PPP3CA: variants seen among roughly 807,000 people sequenced by gnomAD.
PPP3CA encodes protein phosphatase 3 catalytic subunit alpha, also known as CAM-PRP catalytic subunit.
In PPP3CA, 14 loss-of-function variants were observed where a neutral mutation model predicts 66.5. The observed-to-expected ratio is 0.21, with a 90% CI of 0.14 to 0.33. PPP3CA has a LOEUF of 0.33. PPP3CA is among the 10% of genes least tolerant of loss of function. The pLI, the probability that PPP3CA is intolerant of heterozygous loss-of-function variation, is 1.00. For synonymous variants in PPP3CA, 232 were observed against 226.2 expected, an observed-to-expected ratio of 1.03 and a Z score of -0.23; for missense variants, 317 against 639.5, an observed-to-expected ratio of 0.50 and a Z score of 5.44.
intron 12 of PPP3CA, among the ~76,000 whole-genome samples, chr4:101,029,938 TAAA>T (rs1726866058): frequency 6.6e-6 from 1 of 151,952 alleles, no homozygotes; most frequent in Non-Finnish European, 1.5e-5. Flanking sequence ...TTTTTGGAAG[TAAA>T]ATTCTTAAAA....
chr4:101,083,778 TC>T (rs1240662461), intron 6 of PPP3CA, among the ~76,000 whole-genome samples: 5 of 152,258 alleles, frequency 3.3e-5, no homozygotes, highest in East Asian at 1.9e-4. Context: ...TTAAGACTCC[TC>T]CCATACGGTG....
chr4:101,281,127 C>T (rs1189020855), intron 1 of PPP3CA, among the ~76,000 whole-genome samples: 1 of 152,136 alleles, frequency 6.6e-6, no homozygotes, highest in Non-Finnish European at 1.5e-5. Context: ...TGCTATTCAA[C>T]CTGACAACAC....
intron 2 of PPP3CA, among the ~76,000 whole-genome samples, chr4:101,179,502 A>G (rs1724168715): frequency 6.6e-6 from 1 of 152,092 alleles, no homozygotes; most frequent in Non-Finnish European, 1.5e-5. Flanking sequence ...CATCCTAGAC[A>G]TGATCCTGGC....
rs1730050597 is a variant in PPP3CA at position 101,347,342 on chromosome 4, CGCTGCCGCTGTTGCTGCT to C, written c.-564_-547del. ...CCGCCGCTGCTGCCGCTGCTGCTGC[CGCTGCCGCTGTTGCTGCT>C]GCCGCTGCCCCTGCTTCTCCACACA... On this transcript the variant is annotated 5_prime_UTR_variant, in exon 1 of 14. Transcript: ENST00000394854. 2.0e-5 allele frequency: 4 copies of C among 203,910 alleles called. No individual in the cohort carries two copies. The South Asian group carries it at 2.8e-4, about 14-fold the overall frequency. The allele number at this position is 203,910 out of a possible 1,614,324, so 12.6% of individuals were successfully genotyped here.
chr4:101,163,763 G>T (rs5014618), intron 2 of PPP3CA, among the ~76,000 whole-genome samples: 3 of 152,032 alleles, frequency 2.0e-5, no homozygotes, highest in African/African-American at 4.8e-5. Context: ...TTTAGGGGTA[G>T]AAATAAGTAA....
intron 2 of PPP3CA, among the ~76,000 whole-genome samples, chr4:101,132,152 G>A (rs1354181466): frequency 6.6e-6 from 1 of 152,262 alleles, no homozygotes; most frequent in East Asian, 1.9e-4. Context: ...GAGAAAGTGG[G>A]AAAGATCTAA....
intron 1 of PPP3CA, among the ~76,000 whole-genome samples, chr4:101,310,587 C>G (rs755411239): frequency 6.6e-6 from 1 of 152,098 alleles, no homozygotes; most frequent in Non-Finnish European, 1.5e-5. Context: ...GTGGGAGGAT[C>G]ACTTCAGCCC....
intron 1 of PPP3CA, among the ~76,000 whole-genome samples, chr4:101,213,889 T>C (rs748701686): frequency 5.0e-4 from 76 of 152,218 alleles, no homozygotes; most frequent in Non-Finnish European, 2.4e-4. Flanking sequence ...CTCTAAAAAA[T>C]CTACCTAGAG....
At chr4:101,093,698 A>C (rs1262883893) in intron 6 of PPP3CA, 78 bp downstream of exon 6, 2 of 1,339,652 alleles carry the variant, frequency 1.5e-6, no homozygotes, top group Non-Finnish European at 2.0e-6. Flanking sequence ...AACATTATAA[A>C]TAAATCAAAC....
chr4:101,064,194 T>A (rs1728589340), intron 8 of PPP3CA, among the ~76,000 whole-genome samples: 1 of 152,000 alleles, frequency 6.6e-6, no homozygotes, highest in South Asian at 2.1e-4. Flanking sequence ...CATGTCTCTG[T>A]GAGTACTTTC....
chr4:101,034,953 G>T (rs1328985516), intron 11 of PPP3CA, among the ~76,000 whole-genome samples: 2 of 151,884 alleles, frequency 1.3e-5, no homozygotes, highest in Non-Finnish European at 2.9e-5. Context: ...CAAAATCTTG[G>T]TGTCAAATCC....
chr4:101,235,938 CA>C (rs1560673423), intron 1 of PPP3CA, among the ~76,000 whole-genome samples: 1 of 150,312 alleles, frequency 6.7e-6, no homozygotes, highest in Non-Finnish European at 1.5e-5. Flanking sequence ...GGCCTAAAAA[CA>C]AAAAGCAAGT....
chr4:101,329,857 T>G (rs1444871905), intron 1 of PPP3CA, among the ~76,000 whole-genome samples: 1 of 145,730 alleles, frequency 6.9e-6, no homozygotes, highest in Non-Finnish European at 1.5e-5. Context: ...GATTTACTGC[T>G]CAGGGAAAAA....
intron 11 of PPP3CA, among the ~76,000 whole-genome samples, chr4:101,039,813 T>C (rs1212402057): frequency 6.9e-6 from 1 of 144,732 alleles, no homozygotes; most frequent in African/African-American, 2.5e-5. Flanking sequence ...TACTCGCTAA[T>C]ATGTATCATT....
At chr4:101,077,845 T>C (rs1729259402) in intron 8 of PPP3CA, among the ~76,000 whole-genome samples, 1 of 151,244 alleles carries the variant, frequency 6.6e-6, no homozygotes, top group African/African-American at 2.4e-5. Flanking sequence ...TTTTTTTAAG[T>C]TCCAAACTTG....
intron 1 of PPP3CA, among the ~76,000 whole-genome samples, chr4:101,320,616 G>T (rs1482528775): frequency 1.3e-5 from 2 of 152,006 alleles, no homozygotes. Flanking sequence ...CATATAGAAA[G>T]AAACAATGCT....
At chr4:101,139,167 C>A (rs1462786727) in intron 2 of PPP3CA, among the ~76,000 whole-genome samples, 6 of 151,840 alleles carry the variant, frequency 4.0e-5, no homozygotes, top group Admixed American at 6.6e-5. Flanking sequence ...CACAGTGAAA[C>A]CCCGTCTCTA....
chr4:101,031,410 G>A (rs1308291952), intron 12 of PPP3CA, among the ~76,000 whole-genome samples: 1 of 152,050 alleles, frequency 6.6e-6, no homozygotes, highest in Non-Finnish European at 1.5e-5. Flanking sequence ...AAATTGTATT[G>A]TATGTAATAA....
intron 1 of PPP3CA, among the ~76,000 whole-genome samples, chr4:101,262,804 A>C (rs1727049510): frequency 6.6e-6 from 1 of 152,150 alleles, no homozygotes; most frequent in African/African-American, 2.4e-5. Flanking sequence ...CCACCTGACC[A>C]CCTTACTCCC....
Sources: gnomAD v4.1 joint callset for allele counts (sites outside exome capture counted in the v4.1 genomes callset) on GRCh38, gnomAD v4.1.1 for gene constraint, MANE v1.5 for transcripts, NCBI Gene and HGNC (gene_info 2026-07-23, HGNC 2026-07-21) for gene names.